The following TP63 variants were observed in gnomAD, a reference collection of about 807,000 sequenced individuals.
The protein encoded by TP63 is tumor protein 63.
A neutral mutation model predicts 82.8 loss-of-function variants in TP63; 17 were observed. The ratio of observed to expected loss-of-function variants is 0.21; its 90% CI spans 0.14 to 0.31. The LOEUF (loss-of-function observed/expected upper bound fraction) is 0.31. Among genes scored for constraint, TP63 ranks in the 10% least tolerant of loss-of-function variants. The pLI, the probability that TP63 is intolerant of heterozygous loss-of-function variation, is 1.00. For synonymous variants in TP63, 330 were observed against 321.7 expected (o/e 1.03, Z -0.28); for missense variants, 648 against 895.3 (o/e 0.72, Z 3.52).
intron 4 of TP63, among the ~76,000 whole-genome samples, chr3:189,858,785 T>TA (rs1003303024): frequency 1.3e-5 from 2 of 151,740 alleles, no homozygotes; most frequent in African/African-American, 2.4e-5. Flanking sequence ...TCTCAAAAAA[T>TA]AAAAAAAGAA....
At chr3:189,644,358 C>A (rs1263800686) in intron 1 of TP63, among the ~76,000 whole-genome samples, 1 of 151,898 alleles carries the variant, frequency 6.6e-6, no homozygotes, top group Non-Finnish European at 1.5e-5. Context: ...AAAATTTATT[C>A]CCTTCTTCAA....
At position 189,889,408 on chromosome 3, in the gene TP63, C is replaced by T. The variant is rs1438616472; in HGVS notation, c.1576C>T (p.Pro526Ser). The T allele has an allele frequency of 1.2e-6, 2 of 1,613,970 alleles. No homozygotes were observed. Among genetic ancestry groups the T allele is most frequent in the African/African-American group, 2.7e-5 (2 of 74,920 alleles). Reference protein sequence around the residue: ...MNGLSPTQALPPPLSMPSTSH... With the variant: ...MNGLSPTQALSPPLSMPSTSH... ...TGGACTCAGCCCCACCCAGGCACTC[C>T]CTCCCCCACTCTCCATGCCATCCAC... The change falls in exon 12 of 14, where the codon CCT becomes TCT. Residue 526 changes from proline to serine, a missense_variant. Physicochemically the swap from Pro to Ser is moderately conservative, Grantham distance 74. Coordinates refer to ENST00000264731, the MANE Select transcript of TP63 (RefSeq NM_003722.5).
chr3:189,661,014 T>C (rs1713832870), intron 1 of TP63, among the ~76,000 whole-genome samples: 1 of 152,086 alleles, frequency 6.6e-6, no homozygotes, highest in Admixed American at 6.6e-5. Flanking sequence ...TAAAATCATA[T>C]CAGCAAAGAG....
chr3:189,676,337 G>A (rs1715392774), intron 1 of TP63, among the ~76,000 whole-genome samples: 1 of 151,800 alleles, frequency 6.6e-6, no homozygotes, highest in Non-Finnish European at 1.5e-5. Flanking sequence ...CCAAACTCTT[G>A]GCAACACCAA....
chr3:189,680,285 G>T (rs1361408592), intron 1 of TP63, among the ~76,000 whole-genome samples: 1 of 151,852 alleles, frequency 6.6e-6, no homozygotes, highest in African/African-American at 2.4e-5. Context: ...ATATTTTGTA[G>T]TTTTAAGTGT....
At chr3:189,663,914 T>C (rs1410086366) in intron 1 of TP63, among the ~76,000 whole-genome samples, 1 of 152,160 alleles carries the variant, frequency 6.6e-6, no homozygotes. Context: ...TTGTAATATA[T>C]GTTAAGCTTA....
intron 4 of TP63, 146 bp from the exon 5 acceptor site, chr3:189,864,086 A>C: frequency 1.0e-6 from 1 of 1,000,142 alleles, no homozygotes; most frequent in Non-Finnish European, 1.6e-6. Context: ...TAACATTGAC[A>C]TACGTCACAT....
chr3:189,826,542 A>G (rs1424455787), intron 4 of TP63, among the ~76,000 whole-genome samples: 10 of 152,254 alleles, frequency 6.6e-5, no homozygotes, highest in Non-Finnish European at 1.5e-4. Flanking sequence ...TCAGGAGTTG[A>G]GTGAAATATC....
chr3:189,864,748 C>T (rs940774032), intron 5 of TP63, among the ~76,000 whole-genome samples: 1 of 151,736 alleles, frequency 6.6e-6, no homozygotes, highest in Non-Finnish European at 1.5e-5. Flanking sequence ...GGCTCATGCC[C>T]GTAATCCCAG....
chr3:189,633,378 C>G (rs537384809), intron 1 of TP63, among the ~76,000 whole-genome samples: 11 of 152,158 alleles, frequency 7.2e-5, no homozygotes, highest in African/African-American at 2.4e-4. Flanking sequence ...TATCCCTCCT[C>G]CCACCTTCCA....
At chr3:189,808,620 A>G (rs1167328411) in intron 4 of TP63, 94 bp downstream of exon 4, 1 of 1,597,940 alleles carries the variant, frequency 6.3e-7, no homozygotes, top group African/African-American at 1.3e-5. Flanking sequence ...CAGTTTAGCG[A>G]TTCCATGTTC....
the TP63 span, among the ~76,000 whole-genome samples, chr3:189,616,959 A>G: frequency 6.6e-6 from 1 of 152,214 alleles, no homozygotes; most frequent in African/African-American, 2.4e-5. Context: ...GGACCAGAGC[A>G]TTAGGCATAG....
chr3:189,658,746 G>A (rs1444340335), intron 1 of TP63, among the ~76,000 whole-genome samples: 2 of 151,910 alleles, frequency 1.3e-5, no homozygotes, highest in African/African-American at 4.8e-5. Flanking sequence ...GAGATATGAT[G>A]AATAAACATA....
rs201942199 is a variant in TP63 at position 189,669,356 on chromosome 3, CA to C, written c.62+37791del. On this transcript the variant is annotated intron_variant, in intron 1 of 13. Coordinates refer to ENST00000264731, the MANE Select transcript of TP63 (RefSeq NM_003722.5). Reference sequence around the variant, plus strand: ...ATTTGTAGTTAGCAGGTGTGTACTACAAAAAAAAAAAAGAAAAATGTTAAAT... The same window carrying C: ...ATTTGTAGTTAGCAGGTGTGTACTACAAAAAAAAAAAGAAAAATGTTAAAT... 5.7e-3 allele frequency among the ~76,000 whole-genome samples: 659 copies of C among 114,778 alleles called. 3 individuals are homozygous for C. The highest frequency in any genetic ancestry group is 0.014 in the African/African-American group (440 of 30,624). The allele number at this position is 114,778 out of a possible 152,430, so 75.3% of individuals were successfully genotyped here. A position where few individuals can be genotyped will look rare whatever the true frequency, so the allele number is the denominator to read the frequency against.
In TP63 at chr3:189,705,164, G is replaced by A. The variant is rs190552867; in HGVS notation, c.63-32576G>A. Among the ~76,000 whole-genome samples, 305 of 152,342 alleles carry A rather than the reference G, an allele frequency of 2.0e-3. 4 individuals are homozygous for A. Among genetic ancestry groups the A allele is most frequent in the African/African-American group, 7.0e-3 (291 of 41,574 alleles). On this transcript the variant is annotated intron_variant, in intron 1 of 13. Coordinates refer to ENST00000264731, the MANE Select transcript of TP63 (RefSeq NM_003722.5). ...CAATGCTCAAGCTATCTGAGAAGCT[G>A]TATAGTGCAGACTCAAGAGCTTAGA...
intron 1 of TP63, among the ~76,000 whole-genome samples, chr3:189,662,068 C>A (rs1577196254): frequency 6.6e-6 from 1 of 151,890 alleles, no homozygotes; most frequent in East Asian, 1.9e-4. Context: ...GTTTCCTAAG[C>A]TCTGCTCTGA....
At chr3:189,886,007 G>T (rs141938094) in intron 10 of TP63, among the ~76,000 whole-genome samples, 3 of 152,248 alleles carry the variant, frequency 2.0e-5, no homozygotes, top group Admixed American at 6.5e-5. Context: ...CATGTTTTTC[G>T]TCAGCCTTTA....
intron 1 of TP63, among the ~76,000 whole-genome samples, chr3:189,710,859 CA>C (rs1718543703): frequency 6.6e-6 from 1 of 152,164 alleles, no homozygotes; most frequent in Non-Finnish European, 1.5e-5. Flanking sequence ...GTGATGTCTA[CA>C]AATCACAGCA....
chr3:189,817,013 A>G (rs1198349020), intron 4 of TP63, among the ~76,000 whole-genome samples: 6 of 151,918 alleles, frequency 3.9e-5, no homozygotes, highest in Admixed American at 3.9e-4. Context: ...GGGGAAAAAA[A>G]AAACCCTACA....
Sources: gnomAD v4.1 joint callset for allele counts (sites outside exome capture counted in the v4.1 genomes callset) on GRCh38, gnomAD v4.1.1 for gene constraint, MANE v1.5 for transcripts, NCBI Gene and HGNC (gene_info 2026-07-23, HGNC 2026-07-21) for gene names.